The following NEXMIF variants were observed in gnomAD, a reference collection of about 807,000 sequenced individuals.
NEXMIF encodes the protein XLMR protein related to neurite extension.
NEXMIF carries 8 observed loss-of-function variants against 62.1 expected under a neutral mutation model. That is an observed-to-expected ratio of 0.13 (90% CI 0.08 to 0.23). The LOEUF (loss-of-function observed/expected upper bound fraction) is 0.23, where lower values mean the gene tolerates loss of function less well. Ranked by LOEUF, NEXMIF falls within the 10% of genes least tolerant of loss-of-function variation. The pLI is 1.00. For synonymous variants in NEXMIF, 404 were observed against 416.6 expected (o/e 0.97, Z 0.37); for missense variants, 976 against 1,113.3 (o/e 0.88, Z 1.75).
rs145018752 is a variant in NEXMIF at position 74,744,406 on chromosome X, G to T, written c.151C>A (p.Pro51Thr). 1.2e-3 allele frequency: 1,494 copies of T among 1,207,568 alleles called. 16 individuals are homozygous for T. The African/African-American group carries it at 0.023, about 19-fold the overall frequency. Residue 51 changes from proline to threonine, a missense_variant, in exon 3 of 4, where the codon CCG becomes ACG. Pro to Thr is a conservative substitution (Grantham distance 38). This residue lies in a region of NEXMIF where 126 missense variants were observed against 146.5 expected (regional missense o/e 0.86). Transcript: ENST00000055682. ...ATCAGGGTCTCTTTTTGTGCCACCG[G>T]TGTAGGCTGGATAGGTGCAGCAGCT... ...LEAAAPIQPTPVAQKETLMYP... is the reference protein window; with the variant it reads ...LEAAAPIQPTTVAQKETLMYP...
At chrX:74,798,417 G>A (rs1408811392) in intron 1 of NEXMIF, among the ~76,000 whole-genome samples, 1 of 111,968 alleles carries the variant, frequency 8.9e-6, no homozygotes, top group Non-Finnish European at 1.9e-5. Flanking sequence ...TATCCATATG[G>A]CACACAACCT....
chrX:74,842,974 A>G (rs1412088228), intron 1 of NEXMIF, among the ~76,000 whole-genome samples: 1 of 111,619 alleles, frequency 9.0e-6, no homozygotes, highest in African/African-American at 3.3e-5. Flanking sequence ...GAGTTCTGTC[A>G]TGGTCTATCA....
intron 1 of NEXMIF, among the ~76,000 whole-genome samples, chrX:74,844,296 C>G (rs950226100): frequency 1.2e-4 from 13 of 111,331 alleles, no homozygotes; most frequent in Admixed American, 1.1e-3. Flanking sequence ...CAGGAGTTCT[C>G]TGTATTTCCT....
intron 1 of NEXMIF, among the ~76,000 whole-genome samples, chrX:74,879,995 A>G (rs992859319): frequency 6.2e-5 from 7 of 112,132 alleles, no homozygotes; most frequent in Non-Finnish European, 1.3e-4. Context: ...TACCAATGAC[A>G]TATCCCCAAT....
intron 1 of NEXMIF, among the ~76,000 whole-genome samples, chrX:74,812,649 CAGAG>C (rs1412963716): frequency 1.8e-5 from 2 of 110,941 alleles, no homozygotes; most frequent in East Asian, 2.8e-4. Flanking sequence ...CTGCAACAGA[CAGAG>C]AAAGTCTCAG....
At chrX:74,754,318 T>TA (rs1220507164) in intron 1 of NEXMIF, among the ~76,000 whole-genome samples, 1 of 106,478 alleles carries the variant, frequency 9.4e-6, no homozygotes, top group Non-Finnish European at 1.9e-5. Flanking sequence ...TTTTATTTTT[T>TA]TTTTTTGTGA....
chrX:74,846,923 A>C lies in NEXMIF; in HGVS notation c.-48+77960T>G, dbSNP rs187997746. On this transcript the variant is annotated intron_variant, in intron 1 of 3. Coordinates refer to ENST00000055682, the MANE Select transcript of NEXMIF (RefSeq NM_001008537.3). ...TGCTGGGTGAAGGGGATGGAACTAG[A>C]ATATTCAAAATGTCCCATTTTAATG... Among the ~76,000 whole-genome samples, 22 of 112,103 alleles carry C rather than the reference A, an allele frequency of 2.0e-4. 1 individual carries two copies. The East Asian group carries it at 5.6e-3, about 29-fold the overall frequency.
chrX:74,777,253 A>G (rs941943769), intron 1 of NEXMIF, among the ~76,000 whole-genome samples: 5 of 111,642 alleles, frequency 4.5e-5, no homozygotes, highest in African/African-American at 1.6e-4. Context: ...TACCATCATT[A>G]TAGGCCAATA....
At chrX:74,835,384 C>A (rs1207294736) in intron 1 of NEXMIF, among the ~76,000 whole-genome samples, 2 of 111,276 alleles carry the variant, frequency 1.8e-5, no homozygotes, top group East Asian at 5.7e-4. Context: ...GGTGTCTGAA[C>A]ATTGATGAGT....
intron 1 of NEXMIF, among the ~76,000 whole-genome samples, chrX:74,843,294 T>C (rs1185289598): frequency 8.9e-6 from 1 of 111,902 alleles, no homozygotes; most frequent in Admixed American, 9.5e-5. Flanking sequence ...ATTGCAACCC[T>C]TGTTTTTGCT....
At chrX:74,817,051 A>G (rs1156878399) in intron 1 of NEXMIF, among the ~76,000 whole-genome samples, 1 of 111,983 alleles carries the variant, frequency 8.9e-6, no homozygotes, top group Admixed American at 9.5e-5. Context: ...CGTTTGCACT[A>G]TTAGAATATG....
At chrX:74,785,645 C>A (rs2080258398) in intron 1 of NEXMIF, among the ~76,000 whole-genome samples, 1 of 112,249 alleles carries the variant, frequency 8.9e-6, no homozygotes, top group Non-Finnish European at 1.9e-5. Flanking sequence ...CATGCCTTCC[C>A]CCAGGCATTC....
chrX:74,904,136 C>T (rs2080758647), intron 1 of NEXMIF, among the ~76,000 whole-genome samples: 2 of 110,680 alleles, frequency 1.8e-5, no homozygotes, highest in African/African-American at 6.6e-5. Flanking sequence ...CCTTTGGGCC[C>T]CAAGGGCAAC....
intron 1 of NEXMIF, among the ~76,000 whole-genome samples, chrX:74,762,964 A>C (rs1232587980): frequency 3.6e-5 from 4 of 111,633 alleles, no homozygotes; most frequent in Non-Finnish European, 7.5e-5. Flanking sequence ...GAAGCTCTTT[A>C]GTTTAATTAG....
In NEXMIF at chrX:74,740,098, A is replaced by G. The variant is rs2080096740; in HGVS notation, c.4457+2T>C. On this transcript the variant is annotated splice_donor_variant, in intron 3 of 3. Coordinates refer to ENST00000055682, the MANE Select transcript of NEXMIF (RefSeq NM_001008537.3). LOFTEE classifies it high-confidence loss of function. ...ATCTCAGCCATACTGGTGCAGTATT[A>G]CCTCAGTTTTTCAAAAGAAGCTGTC... The G allele has an allele frequency of 8.3e-7, 1 of 1,203,076 alleles. No individual in the cohort carries two copies. The highest frequency in any genetic ancestry group is 1.8e-5 in the African/African-American group (1 of 56,624).
chrX:74,771,085 C>G (rs760568267), intron 1 of NEXMIF, among the ~76,000 whole-genome samples: 36 of 111,856 alleles, frequency 3.2e-4, no homozygotes, highest in Admixed American at 9.5e-4. Context: ...TACTCTATAC[C>G]TTTATCAAAT....
chrX:74,757,819 C>T (rs1032113000), intron 1 of NEXMIF, among the ~76,000 whole-genome samples: 14 of 111,133 alleles, frequency 1.3e-4, no homozygotes, highest in African/African-American at 4.3e-4. Flanking sequence ...GTTCTCTGAG[C>T]GGTGGGGGTT....
intron 1 of NEXMIF, among the ~76,000 whole-genome samples, chrX:74,875,576 T>C (rs972587658): frequency 8.9e-6 from 1 of 111,827 alleles, no homozygotes; most frequent in Non-Finnish European, 1.9e-5. Context: ...ATGGTACCAG[T>C]TCCTCCTTGT....
At chrX:74,873,122 C>T (rs1230366991) in intron 1 of NEXMIF, among the ~76,000 whole-genome samples, 3 of 110,223 alleles carry the variant, frequency 2.7e-5, no homozygotes, top group Admixed American at 1.9e-4. Context: ...GTATATCTCC[C>T]AATGCTATCC....
Sources: gnomAD v4.1 joint callset for allele counts (sites outside exome capture counted in the v4.1 genomes callset) on GRCh38, gnomAD v4.1.1 for gene constraint, gnomAD v4.1.1 regional missense constraint, MANE v1.5 for transcripts, NCBI Gene and HGNC (gene_info 2026-07-23, HGNC 2026-07-21) for gene names.